Variants in CFAP77 observed in about 807,000 individuals in gnomAD.
CFAP77 encodes the protein cilia- and flagella-associated protein 77.
In CFAP77, 25 loss-of-function variants were observed where a neutral mutation model predicts 31.1. The ratio of observed to expected loss-of-function variants is 0.80; its 90% confidence interval spans 0.59 to 1.12. The LOEUF is 1.12. CFAP77 is among the 50% of genes most tolerant of loss of function. The pLI is 0.00. For synonymous variants in CFAP77, 151 were observed against 159.9 expected (o/e 0.94, Z 0.42); for missense variants, 377 against 397.3 (o/e 0.95, Z 0.44).
At chr9:132,532,278 C>T (rs535782656) in intron 3 of CFAP77, among the ~76,000 whole-genome samples, 1 of 152,162 alleles carries the variant, frequency 6.6e-6, no homozygotes, top group Non-Finnish European at 1.5e-5. Context: ...CGGAGCACGG[C>T]CAGGACCCAG....
At chr9:132,514,103 C>T (rs1354603633) in intron 3 of CFAP77, among the ~76,000 whole-genome samples, 1 of 99,962 alleles carries the variant, frequency 1.0e-5, no homozygotes, top group Non-Finnish European at 2.1e-5. Context: ...TCACCTATAT[C>T]CCTGAACACA....
At chr9:132,487,221 G>A (rs1437484313) in intron 1 of CFAP77, among the ~76,000 whole-genome samples, 2 of 152,214 alleles carry the variant, frequency 1.3e-5, no homozygotes, top group Non-Finnish European at 2.9e-5. Context: ...TTTTGCAGGG[G>A]AGGAAAGAGA....
intron 3 of CFAP77, chr9:132,513,415 C>A (rs1330907830): frequency 2.0e-6 from 3 of 1,486,350 alleles, no homozygotes; most frequent in African/African-American, 1.4e-5. Flanking sequence ...AATCTGAGGC[C>A]CCTGTGCACA....
intron 1 of CFAP77, among the ~76,000 whole-genome samples, chr9:132,445,997 C>T (rs574352576): frequency 6.2e-4 from 95 of 152,172 alleles, no homozygotes; most frequent in African/African-American, 1.9e-3. Flanking sequence ...TTGGGTGCCG[C>T]TCTCCACCTG....
At chr9:132,477,890 G>A (rs888418941) in intron 1 of CFAP77, among the ~76,000 whole-genome samples, 1 of 152,100 alleles carries the variant, frequency 6.6e-6, no homozygotes, top group African/African-American at 2.4e-5. Context: ...CCAATCTGGG[G>A]GCAGCGGGGC....
intron 1 of CFAP77, among the ~76,000 whole-genome samples, chr9:132,416,968 C>T (rs10156646): frequency 0.21 from 31,149 of 151,768 alleles, 4,427 homozygotes; most frequent in African/African-American, 0.39. Context: ...TTAATGCCAG[C>T]GTTTGTTGGT....
chr9:132,461,866 T>C (rs1201457214), intron 1 of CFAP77, among the ~76,000 whole-genome samples: 1 of 152,204 alleles, frequency 6.6e-6, no homozygotes, highest in Non-Finnish European at 1.5e-5. Flanking sequence ...CCGTTTCTGC[T>C]CTAGAGCCTG....
chr9:132,486,090 A>ATTTTATTTTTTTTTT (rs1554742622), intron 1 of CFAP77, among the ~76,000 whole-genome samples: 1 of 15,356 alleles, frequency 6.5e-5, no homozygotes, highest in African/African-American at 4.3e-4. Context: ...ATATATATAT[A>ATTTTATTTTTTTTTT]TTTTTTTTTT....
rs972781313 is a variant in CFAP77 at position 132,441,529 on chromosome 9, C to T, written c.195+31063C>T. Among the ~76,000 whole-genome samples the T allele has an allele frequency of 2.6e-5, 4 of 152,178 alleles. No individual in the cohort carries two copies. The East Asian group carries it at 7.7e-4, about 29-fold the overall frequency. On this transcript the variant is annotated intron_variant, in intron 1 of 5. Transcript: ENST00000393216. ...GGCCACAGACACCCTCCCCGCTCCC[C>T]GCCAACCACACATAAGAAAACATTG...
At position 132,543,004 on chromosome 9, in the gene CFAP77, C is replaced by T. The variant is rs147829744; in HGVS notation, c.689C>T (p.Pro230Leu). 1.7e-5 allele frequency: 28 copies of T among 1,614,034 alleles called. No homozygotes were observed. The African/African-American group carries it at 3.6e-4, about 21-fold the overall frequency. Residue 230 changes from proline (P) to leucine (L), a missense_variant, in exon 5 of 6, where the codon CCC (proline) becomes CTC (leucine). Pro to Leu is a moderately conservative substitution (Grantham distance 98). Coordinates refer to ENST00000393216, the MANE Select transcript of CFAP77 (RefSeq NM_001282957.2). ...RSSQLRKYKP[P>L]VKLDTLWHMP... ...AGTCAGCTGAGGAAGTACAAGCCGCCCGTGAAGCTGGACACCCTCTGGCAC... is the reference window on the plus strand; with the variant it reads ...AGTCAGCTGAGGAAGTACAAGCCGCTCGTGAAGCTGGACACCCTCTGGCAC...
chr9:132,555,702 C>T (rs1335795377), intron 5 of CFAP77, among the ~76,000 whole-genome samples: 1 of 152,110 alleles, frequency 6.6e-6, no homozygotes, highest in East Asian at 1.9e-4. Context: ...AGAGTGGAGG[C>T]TTAGGAAGGG....
In CFAP77 at chr9:132,498,050, C is replaced by T. The variant is rs181675738; in HGVS notation, c.196-645C>T. On this transcript the variant is annotated intron_variant, in intron 1 of 5. Transcript: ENST00000393216. This position sits in a 1 kb window ranked among gnomAD's most constrained non-coding sequence, Gnocchi z 4.2. ...ATGGGTGGTGGCGGCAGGGTGGGGG[C>T]GGCTAATGTGGTTGATGACAGGGCA... 2.4e-4 allele frequency among the ~76,000 whole-genome samples: 37 copies of T among 151,988 alleles called. No homozygotes were observed. The highest frequency in any genetic ancestry group is 2.9e-4 in the Non-Finnish European group (20 of 67,974).
chr9:132,428,289 T>A (rs1850350018), intron 1 of CFAP77, among the ~76,000 whole-genome samples: 1 of 151,312 alleles, frequency 6.6e-6, no homozygotes, highest in South Asian at 2.1e-4. Context: ...GGATTACAGG[T>A]GTGAGCCACT....
At chr9:132,526,680 C>T (rs1491003688) in intron 3 of CFAP77, among the ~76,000 whole-genome samples, 61 of 130,236 alleles carry the variant, frequency 4.7e-4, no homozygotes, top group African/African-American at 1.3e-3. Flanking sequence ...ATATCACCAC[C>T]GATCCCACAG....
chr9:132,516,098 C>G (rs1852142115), intron 3 of CFAP77, among the ~76,000 whole-genome samples: 1 of 152,106 alleles, frequency 6.6e-6, no homozygotes, highest in Non-Finnish European at 1.5e-5. Flanking sequence ...GTTGGCAGCT[C>G]CAGCCAGTTG....
intron 1 of CFAP77, among the ~76,000 whole-genome samples, chr9:132,423,907 G>A (rs1459848099): frequency 6.6e-6 from 1 of 152,210 alleles, no homozygotes; most frequent in Non-Finnish European, 1.5e-5. Context: ...CCTGATGGGA[G>A]AGAAGAATCC....
intron 3 of CFAP77, among the ~76,000 whole-genome samples, chr9:132,529,944 T>A (rs1293866329): frequency 6.6e-6 from 1 of 152,116 alleles, no homozygotes; most frequent in Admixed American, 6.5e-5. Flanking sequence ...CTGTGCATCC[T>A]CATTTGGTAG....
At chr9:132,474,926 T>C (rs1851326989) in intron 1 of CFAP77, among the ~76,000 whole-genome samples, 1 of 152,228 alleles carries the variant, frequency 6.6e-6, no homozygotes, top group African/African-American at 2.4e-5. Context: ...TTTTAATAAG[T>C]CAATAAGAAA....
chr9:132,542,999 G>T lies in CFAP77; in HGVS notation c.684G>T (p.Lys228Asn). Residue 228 changes from lysine to asparagine, a missense_variant, in exon 5 of 6, where the codon AAG (lysine) becomes AAT (asparagine). Transcript: ENST00000393216. ...ETRSSQLRKY[K>N]PPVKLDTLWH... ...GGAGCAGTCAGCTGAGGAAGTACAA[G>T]CCGCCCGTGAAGCTGGACACCCTCT... The T allele has an allele frequency of 6.2e-7, 1 of 1,614,142 alleles. No individual in the cohort carries two copies. Among genetic ancestry groups the T allele is most frequent in the South Asian group, 1.1e-5 (1 of 91,076 alleles).
Sources: allele counts gnomAD v4.1 joint callset (sites outside exome capture counted in the v4.1 genomes callset), GRCh38; gene constraint gnomAD v4.1.1; non-coding constraint Gnocchi (gnomAD v3.1); transcripts MANE v1.5; gene names NCBI Gene and HGNC (gene_info 2026-07-23, HGNC 2026-07-21).